FGF14: variants seen among roughly 807,000 people sequenced by gnomAD.
FGF14 encodes the protein fibroblast growth factor homologous factor 4.
In FGF14, 5 loss-of-function variants were observed where a neutral mutation model predicts 25.5. The observed-to-expected ratio is 0.20, with a 90% CI of 0.10 to 0.41. The LOEUF (loss-of-function observed/expected upper bound fraction) is 0.41. Ranked by LOEUF, FGF14 falls within the 10% of genes least tolerant of loss-of-function variation. The pLI is 1.00. For synonymous variants in FGF14, 138 were observed against 118.3 expected (o/e 1.17, Z -1.08); for missense variants, 222 against 320.1 (o/e 0.69, Z 2.34).
At chr13:101,872,232 T>C (rs78195075) in intron 2 of FGF14, among the ~76,000 whole-genome samples, 5,266 of 151,454 alleles carry the variant, frequency 0.035, 328 homozygotes, top group African/African-American at 0.12. Context: ...TAACCCATGG[T>C]TTGTATTCAG....
chr13:101,797,554 C>T (rs997457005), intron 3 of FGF14, among the ~76,000 whole-genome samples: 4 of 151,944 alleles, frequency 2.6e-5, no homozygotes, highest in South Asian at 2.1e-4. Flanking sequence ...GGTGATTAGT[C>T]GACAGAGAGC....
rs549521419 is a variant in FGF14, at chr13:102,309,167, C to CACACACACACACACA, written c.208+92303_208+92304insTGTGTGTGTGTGTGT. ...ACACACACACACACACACACACACA[C>CACACACACACACACA]ATCTCGCACAGTAATGCGTTGAGTG... On this transcript the variant is annotated intron_variant, in intron 1 of 4. Transcript: ENST00000376131. Among the ~76,000 whole-genome samples, 15 of 151,650 alleles carry CACACACACACACACA rather than the reference C, an allele frequency of 9.9e-5. No homozygotes were observed. In the South Asian group the frequency reaches 2.9e-3, roughly 30 times the overall value.
intron 1 of FGF14, among the ~76,000 whole-genome samples, chr13:102,377,098 T>C (rs2058058795): frequency 1.3e-5 from 2 of 152,122 alleles, no homozygotes; most frequent in Non-Finnish European, 2.9e-5. Flanking sequence ...TTTTTTTTTT[T>C]TCCTAAGAAA....
Position 102,358,566 on chromosome 13 carries a change from G to C in FGF14, c.208+42905C>G, listed in dbSNP as rs560066474. Among the ~76,000 whole-genome samples, 15 of 152,262 alleles carry C rather than the reference G, an allele frequency of 9.9e-5. No individual in the cohort carries two copies. In the South Asian group the frequency reaches 3.1e-3, roughly 32 times the overall value. On this transcript the variant is annotated intron_variant, in intron 1 of 4. Coordinates refer to the FGF14 transcript ENST00000376131. ...CATCAGTTAATCTACAAGTAGTATC[G>C]TGTACATCTGTGTGTGTGCGTATGT...
chr13:101,771,043 A>G (rs1427734694), intron 3 of FGF14, among the ~76,000 whole-genome samples: 1 of 152,274 alleles, frequency 6.6e-6, no homozygotes, highest in Admixed American at 6.6e-5. Context: ...TTTTCAATCT[A>G]GTAAAATCAA....
chr13:102,228,403 T>G (rs185702038), intron 1 of FGF14, among the ~76,000 whole-genome samples: 55 of 152,328 alleles, frequency 3.6e-4, no homozygotes, highest in East Asian at 5.8e-4. Context: ...AGGTGCCCTC[T>G]GCCCCTTAAA....
chr13:101,783,063 G>A (rs1300157997), intron 3 of FGF14, among the ~76,000 whole-genome samples: 1 of 152,084 alleles, frequency 6.6e-6, no homozygotes, highest in Non-Finnish European at 1.5e-5. Flanking sequence ...TTTAGTAATA[G>A]CCACTCTGAC....
At chr13:101,926,206 CA>C (rs2034351847) in intron 1 of FGF14, among the ~76,000 whole-genome samples, 1 of 152,208 alleles carries the variant, frequency 6.6e-6, no homozygotes, top group Non-Finnish European at 1.5e-5. Context: ...ACCCTGTATC[CA>C]AAACACACAG....
chr13:102,103,740 G>C (rs1431185245), intron 1 of FGF14, among the ~76,000 whole-genome samples: 1 of 152,166 alleles, frequency 6.6e-6, no homozygotes, highest in Non-Finnish European at 1.5e-5. Context: ...TACCTGAGCA[G>C]GTTTTATTTT....
intron 1 of FGF14, among the ~76,000 whole-genome samples, chr13:102,083,798 CTCAT>C (rs1305031201): frequency 9.2e-5 from 14 of 152,220 alleles, no homozygotes; most frequent in African/African-American, 3.1e-4. Flanking sequence ...GTCACAGTCA[CTCAT>C]TGACTCAGAA....
chr13:101,878,476 A>G, intron 1 of FGF14, among the ~76,000 whole-genome samples: 1 of 152,112 alleles, frequency 6.6e-6, no homozygotes, highest in Non-Finnish European at 1.5e-5. Context: ...AAGTAGATTT[A>G]TAAGTTATAT....
At chr13:101,824,258 T>C (rs3007760) in intron 3 of FGF14, among the ~76,000 whole-genome samples, 91,401 of 151,986 alleles carry the variant, frequency 0.6, 27,598 homozygotes, top group South Asian at 0.69. Flanking sequence ...AATTTTTTGG[T>C]TGCCTTTAGA....
In FGF14 at chr13:102,047,595, C is replaced by T. The variant is rs796475706; in HGVS notation, c.209-172299G>A. ...ATCGCAAGGACAAAAAACCAAACACCGCATATTCTCACTCATAGGTGGGAA... is the reference window on the plus strand; with the variant it reads ...ATCGCAAGGACAAAAAACCAAACACTGCATATTCTCACTCATAGGTGGGAA... On this transcript the variant is annotated intron_variant, in intron 1 of 4. Coordinates refer to the FGF14 transcript ENST00000376131. Among the ~76,000 whole-genome samples, 17 of 152,134 alleles carry T rather than the reference C, an allele frequency of 1.1e-4. No homozygotes were observed. The South Asian group carries it at 1.7e-3, about 15-fold the overall frequency.
chr13:102,073,109 G>A (rs575791544), intron 1 of FGF14, among the ~76,000 whole-genome samples: 34 of 152,016 alleles, frequency 2.2e-4, no homozygotes, highest in African/African-American at 7.7e-4. Context: ...AAAATTAGCC[G>A]GGTGTGGTGG....
At position 102,362,529 on chromosome 13, in the gene FGF14, A is replaced by G. The variant is rs185861763; in HGVS notation, c.208+38942T>C. Among the ~76,000 whole-genome samples the G allele has an allele frequency of 2.6e-5, 4 of 152,366 alleles. No homozygotes were observed. In the East Asian group the frequency reaches 7.7e-4, roughly 29 times the overall value. ...AGAGGAGATGGAAACTTTACTCATT[A>G]TAATATCTTATCAACAGGATAACTG... On this transcript the variant is annotated intron_variant, in intron 1 of 4. Transcript: ENST00000376131.
At chr13:101,857,042 C>T (rs1028008938) in intron 3 of FGF14, among the ~76,000 whole-genome samples, 1 of 151,936 alleles carries the variant, frequency 6.6e-6, no homozygotes, top group African/African-American at 2.4e-5. Context: ...TCATTGTTTC[C>T]TCATGAAGGG....
chr13:102,083,680 T>C (rs575444759), intron 1 of FGF14, among the ~76,000 whole-genome samples: 2 of 152,362 alleles, frequency 1.3e-5, no homozygotes, highest in Admixed American at 6.5e-5. Context: ...CATGTATCGA[T>C]TTATGATTTT....
intron 1 of FGF14, among the ~76,000 whole-genome samples, chr13:102,184,388 C>T (rs1342074735): frequency 6.6e-6 from 1 of 152,134 alleles, no homozygotes. Context: ...TACTCAGTCA[C>T]TCAGCATCCC....
chr13:102,380,291 C>A (rs974171539), intron 1 of FGF14, among the ~76,000 whole-genome samples: 1 of 152,038 alleles, frequency 6.6e-6, no homozygotes, highest in Non-Finnish European at 1.5e-5. Context: ...ATATAGTTTA[C>A]CTGTTTTCAG....
Sources: allele counts gnomAD v4.1 joint callset (sites outside exome capture counted in the v4.1 genomes callset), GRCh38; gene constraint gnomAD v4.1.1; transcripts MANE v1.5; gene names NCBI Gene and HGNC (gene_info 2026-07-23, HGNC 2026-07-21).